The following ADAM10 variants were observed in gnomAD, a reference collection of about 807,000 sequenced individuals.
The protein encoded by ADAM10 is ADAM metallopeptidase domain 10.
Under a neutral mutation model 90.1 loss-of-function variants are expected in ADAM10, and 17 were observed. The ratio of observed to expected loss-of-function variants is 0.19; its 90% CI spans 0.13 to 0.28. ADAM10 has a LOEUF of 0.28. Ranked by LOEUF, ADAM10 falls within the 10% of genes least tolerant of loss-of-function variation. The pLI is 1.00. For missense variants in ADAM10, 610 were observed against 914.3 expected (o/e 0.67, Z 4.29); for synonymous variants, 310 against 298.6 (o/e 1.04, Z -0.40).
rs1271702211 is a variant in ADAM10 at position 58,592,986 on chromosome 15, T to C, written c.*4561A>G. The stretch of plus-strand genomic sequence containing the variant: ...CCTACATGTCCAAACAATGGGAAAT[T>C]GGTTAAGAAAAAAAAAAACATACAT... On this transcript the variant is annotated 3_prime_UTR_variant, in exon 16 of 16. Transcript: ENST00000260408. 3 of 149,166 alleles carry C rather than the reference T, an allele frequency of 2.0e-5. No homozygotes were observed. Among genetic ancestry groups the C allele is most frequent in the Non-Finnish European group, 4.5e-5 (3 of 67,372 alleles). 9.2% of individuals were successfully genotyped at this position (149,166 alleles called of 1,614,324 possible).
At chr15:58,621,382 T>C (rs1296156214) in intron 11 of ADAM10, 89 bp downstream of exon 11, 5 of 1,504,920 alleles carry the variant, frequency 3.3e-6, no homozygotes, top group African/African-American at 1.4e-5. Context: ...CAAAACCATA[T>C]GCATCTCTTA....
At chr15:58,610,879 A>T in intron 13 of ADAM10, 120 bp downstream of exon 13, 4 of 779,220 alleles carry the variant, frequency 5.1e-6, no homozygotes, top group Non-Finnish European at 9.2e-6. Context: ...TCTCCTCAAG[A>T]GGACAGATTT....
chr15:58,691,198 T>C (rs1197733901), intron 2 of ADAM10: 1 of 748,732 alleles, frequency 1.3e-6, no homozygotes, highest in Non-Finnish European at 2.5e-6. Context: ...ATTTCTTTCA[T>C]GAGCCTGCAG....
At chr15:58,684,889 A>G (rs1278896446) in intron 2 of ADAM10, among the ~76,000 whole-genome samples, 1 of 152,180 alleles carries the variant, frequency 6.6e-6, no homozygotes, top group Non-Finnish European at 1.5e-5. Flanking sequence ...ATTTACTGTG[A>G]GAACTGAATT....
chr15:58,651,514 G>A (rs775191482), intron 5 of ADAM10, among the ~76,000 whole-genome samples: 16 of 152,148 alleles, frequency 1.1e-4, no homozygotes, highest in Non-Finnish European at 2.4e-4. Context: ...TGTGAAGTTT[G>A]TCTTTCTGTG....
chr15:58,709,759 A>G (rs548987381), intron 2 of ADAM10, among the ~76,000 whole-genome samples: 89 of 152,196 alleles, frequency 5.8e-4, no homozygotes, highest in Admixed American at 1.7e-3. Context: ...ATAAAAAATA[A>G]AAAATACACC....
At chr15:58,748,946 G>C (rs1351550670) in intron 1 of ADAM10, 3 of 398,606 alleles carry the variant, frequency 7.5e-6, no homozygotes, top group Non-Finnish European at 1.3e-5. Flanking sequence ...AACAATACAC[G>C]AGCCCAGCTG....
At chr15:58,611,749 T>C (rs1271756545) in intron 12 of ADAM10, 59 bp downstream of exon 12, 26 of 1,518,800 alleles carry the variant, frequency 1.7e-5, no homozygotes, top group Non-Finnish European at 2.3e-5. Flanking sequence ...GCATCAATAA[T>C]TCTTCTGAAA....
chr15:58,651,719 A>G (rs1896692259), intron 5 of ADAM10, among the ~76,000 whole-genome samples: 1 of 152,184 alleles, frequency 6.6e-6, no homozygotes, highest in African/African-American at 2.4e-5. Flanking sequence ...AGCAACAAAC[A>G]TGGGAGTGCA....
intron 11 of ADAM10, among the ~76,000 whole-genome samples, chr15:58,613,965 A>T (rs1895526922): frequency 6.6e-6 from 1 of 152,190 alleles, no homozygotes; most frequent in African/African-American, 2.4e-5. Context: ...CCAATCAATC[A>T]ATCACTTAAA....
intron 4 of ADAM10, among the ~76,000 whole-genome samples, chr15:58,666,647 A>T (rs1032063077): frequency 3.9e-5 from 6 of 152,046 alleles, no homozygotes; most frequent in African/African-American, 1.4e-4. Context: ...CTCACTTACC[A>T]TTGGTTATTA....
chr15:58,665,196 G>C lies in ADAM10; in HGVS notation c.486C>G (p.Asn162Lys), dbSNP rs749444073. The C allele has an allele frequency of 1.2e-5, 19 of 1,601,112 alleles. No individual in the cohort carries two copies. The highest frequency in any genetic ancestry group is 1.5e-5 in the Non-Finnish European group (18 of 1,168,410). ...HSVIYHEDDI[N>K]YPHKYGPQGG... is the part of the protein sequence containing the mutation. ...CCTGAGGACCGTATTTATGGGGATA[G>C]TCTAAAATACAAAGAAGAAACGTCA... is the stretch of plus-strand genomic sequence containing the variant. The change falls in exon 5 of 16, where the codon AAC (asparagine) becomes AAG (lysine). Residue 162 changes from asparagine (N) to lysine (K), a missense_variant and splice_region_variant. Coordinates refer to ENST00000260408, the MANE Select transcript of ADAM10 (RefSeq NM_001110.4).
chr15:58,746,685 T>TGG (rs1238094810), intron 1 of ADAM10, among the ~76,000 whole-genome samples: 2 of 152,150 alleles, frequency 1.3e-5, no homozygotes, highest in Non-Finnish European at 2.9e-5. Context: ...CCAAGGTAGG[T>TGG]GGGTCGCTAG....
chr15:58,662,915 A>G (rs1230361850), intron 5 of ADAM10, among the ~76,000 whole-genome samples: 1 of 152,142 alleles, frequency 6.6e-6, no homozygotes, highest in African/African-American at 2.4e-5. Context: ...CTGTGTTTTT[A>G]TCCTTCTTGA....
chr15:58,704,152 T>C (rs1367386695), intron 2 of ADAM10: 1 of 152,330 alleles, frequency 6.6e-6, no homozygotes, highest in East Asian at 1.9e-4. Context: ...TGCCCTCACA[T>C]CCTCAGGTAG....
At chr15:58,690,539 T>G (rs1474830295) in intron 2 of ADAM10, among the ~76,000 whole-genome samples, 1 of 152,160 alleles carries the variant, frequency 6.6e-6, no homozygotes, top group Non-Finnish European at 1.5e-5. Context: ...AAACAGGATA[T>G]ACAACATCCA....
chr15:58,704,506 G>A (rs1243752953), intron 2 of ADAM10, among the ~76,000 whole-genome samples: 1 of 152,084 alleles, frequency 6.6e-6, no homozygotes, highest in East Asian at 1.9e-4. Context: ...CAAAAATCTT[G>A]CTCTTTACCA....
At chr15:58,605,715 G>C (rs576659245) in intron 14 of ADAM10, among the ~76,000 whole-genome samples, 2 of 152,086 alleles carry the variant, frequency 1.3e-5, no homozygotes, top group African/African-American at 2.4e-5. Flanking sequence ...TAGGGACAAA[G>C]AGAAGACATC....
At chr15:58,731,382 G>A (rs1349415839) in intron 1 of ADAM10, among the ~76,000 whole-genome samples, 1 of 152,062 alleles carries the variant, frequency 6.6e-6, no homozygotes, top group Non-Finnish European at 1.5e-5. Flanking sequence ...ACTTTGGGGG[G>A]CCGAGGCGGG....
Sources: allele counts gnomAD v4.1 joint callset (sites outside exome capture counted in the v4.1 genomes callset), GRCh38; gene constraint gnomAD v4.1.1; transcripts MANE v1.5; gene names NCBI Gene and HGNC (gene_info 2026-07-23, HGNC 2026-07-21).